CD58: variants seen among roughly 807,000 people sequenced by gnomAD.
CD58 encodes the protein CD58 molecule, also known as lymphocyte function-associated antigen 3.
A neutral mutation model predicts 27.6 loss-of-function variants in CD58; 14 were observed. The ratio of observed to expected loss-of-function variants is 0.51; its 90% CI spans 0.34 to 0.79. The LOEUF (loss-of-function observed/expected upper bound fraction) is 0.79. Ranked by LOEUF, CD58 falls within the 30% of genes least tolerant of loss-of-function variation. The probability of loss-of-function intolerance (pLI) is 0.02; values close to 1 mark genes in which losing one functional copy is unlikely to be tolerated. For synonymous variants in CD58, 117 were observed against 103.8 expected, an observed-to-expected ratio of 1.13 and a Z score of -0.77; for missense variants, 268 against 301.7, an observed-to-expected ratio of 0.89 and a Z score of 0.83.
At position 116,521,806 on chromosome 1, in the gene CD58, G is replaced by T; in HGVS notation, c.706+100C>A. 2 of 791,458 alleles carry T rather than the reference G, an allele frequency of 2.5e-6. No homozygotes were observed. Among genetic ancestry groups the T allele is most frequent in the Non-Finnish European group, 4.2e-6 (2 of 474,772 alleles). 49.0% of individuals were successfully genotyped at this position (791,458 alleles called of 1,614,324 possible). On this transcript the variant is annotated intron_variant, in intron 4 of 5. Transcript: ENST00000369489. This position sits in a 1 kb window ranked among gnomAD's most constrained non-coding sequence, Gnocchi z 5.6. ...AAAAAGTTTTTGTTTCTTTTCAAAT[G>T]TCTAAAATTTCAAACTTTATTTTCA... is the stretch of plus-strand genomic sequence containing the variant.
rs1658604288 is a variant in CD58 at position 116,557,569 on chromosome 1, C to T, written c.71-12965G>A. Among the ~76,000 whole-genome samples the T allele has an allele frequency of 6.6e-6, 1 of 152,244 alleles. No individual in the cohort carries two copies. Among genetic ancestry groups the T allele is most frequent in the East Asian group, 1.9e-4 (1 of 5,190 alleles). Reference sequence around the variant, plus strand: ...GCCCCAATCAAACTTAACAGCCTCGCTATGGTTTGAGGAGGTTCACTGATG... The same window carrying T: ...GCCCCAATCAAACTTAACAGCCTCGTTATGGTTTGAGGAGGTTCACTGATG... On this transcript the variant is annotated intron_variant, in intron 1 of 5. Transcript: ENST00000369489. The surrounding 1 kb of genome is among the most constrained non-coding windows in gnomAD (Gnocchi z 5.2).
chr1:116,536,213 G>A lies in CD58; in HGVS notation c.380C>T (p.Pro127Leu). The A allele has an allele frequency of 6.2e-7, 1 of 1,608,546 alleles. No homozygotes were observed. The highest frequency in any genetic ancestry group is 8.5e-7 in the Non-Finnish European group (1 of 1,175,986). ...FLYVLESLPSPTLTCALTNGS... is the reference protein window; with the variant it reads ...FLYVLESLPSLTLTCALTNGS... ...ATTAGTCAATGCACAAGTTAGTGTG[G>A]GAGATGGAAGAGACTCTGGAAAAAA... Residue 127 changes from proline (P) to leucine (L), a missense_variant, in exon 3 of 6, where the codon CCC becomes CTC. Physicochemically the swap from Pro to Leu is moderately conservative, Grantham distance 98 (BLOSUM62 -3). Transcript: ENST00000369489. The surrounding 1 kb of genome is among the most constrained non-coding windows in gnomAD (Gnocchi z 5.4).
At chr1:116,554,658 A>G (rs114254263) in intron 1 of CD58, among the ~76,000 whole-genome samples, 2,593 of 152,292 alleles carry the variant, frequency 0.017, 83 homozygotes, top group African/African-American at 0.059. Flanking sequence ...AACCACGGTT[A>G]CTTTAGAGAT....
In CD58 at chr1:116,521,070, G is replaced by T. The variant is rs1171691387; in HGVS notation, c.706+836C>A. Reference sequence around the variant, plus strand: ...CTGAGGAATGAATCTTAAATTTAATGGTATTTCATTTTAAATGATATATTT... The same window carrying T: ...CTGAGGAATGAATCTTAAATTTAATTGTATTTCATTTTAAATGATATATTT... On this transcript the variant is annotated intron_variant, in intron 4 of 5. Coordinates refer to ENST00000369489, the MANE Select transcript of CD58 (RefSeq NM_001779.3). This position sits in a 1 kb window ranked among gnomAD's most constrained non-coding sequence, Gnocchi z 5.6. Among the ~76,000 whole-genome samples the T allele has an allele frequency of 6.6e-6, 1 of 152,016 alleles. No individual in the cohort carries two copies. The highest frequency in any genetic ancestry group is 1.5e-5 in the Non-Finnish European group (1 of 68,000).
In CD58 at chr1:116,521,187, A is replaced by G. The variant is rs1487258950; in HGVS notation, c.706+719T>C. On this transcript the variant is annotated intron_variant, in intron 4 of 5. Transcript: ENST00000369489. This position sits in a 1 kb window ranked among gnomAD's most constrained non-coding sequence, Gnocchi z 5.6. Reference sequence around the variant, plus strand: ...GTTTATAAACTTGATTCATGACACAATGGATCCTAGATACTATCACTTGTA... The same window carrying G: ...GTTTATAAACTTGATTCATGACACAGTGGATCCTAGATACTATCACTTGTA... Among the ~76,000 whole-genome samples, 1 of 152,210 alleles carries G rather than the reference A, an allele frequency of 6.6e-6. No individual in the cohort carries two copies. Among genetic ancestry groups the G allele is most frequent in the African/African-American group, 2.4e-5 (1 of 41,446 alleles).
chr1:116,551,054 A>T (rs1428871995), intron 1 of CD58, among the ~76,000 whole-genome samples: 1 of 152,166 alleles, frequency 6.6e-6, no homozygotes, highest in African/African-American at 2.4e-5. Flanking sequence ...CTGTTGTTCC[A>T]TTTTATAGAG....
In CD58 at chr1:116,570,070, G is replaced by A. The variant is rs1486921490; in HGVS notation, c.70+833C>T. 6.6e-6 allele frequency among the ~76,000 whole-genome samples: 1 copy of A among 152,206 alleles called. No individual in the cohort carries two copies. The highest frequency in any genetic ancestry group is 6.5e-5 in the Admixed American group (1 of 15,292). ...GGAGGGCTGGCAGTGGGGTGCAGGA[G>A]CCAGCCATGAGAACCCCTCAAGTAC... is the stretch of plus-strand genomic sequence containing the variant. On this transcript the variant is annotated intron_variant, in intron 1 of 5. Transcript: ENST00000369489. The surrounding 1 kb of genome is among the most constrained non-coding windows in gnomAD (Gnocchi z 6.4).
Position 116,515,751 on chromosome 1 carries a change from T to C in CD58, c.744-929A>G, listed in dbSNP as rs1056404320. On this transcript the variant is annotated intron_variant, in intron 5 of 5. Transcript: ENST00000369489. This position sits in a 1 kb window ranked among gnomAD's most constrained non-coding sequence, Gnocchi z 4.6. ...GAAATAGGACTCCCTGCTTCCTTTT[T>C]AATTTGGCTAACTTTGTGATCTGTT... 3.9e-5 allele frequency among the ~76,000 whole-genome samples: 6 copies of C among 152,298 alleles called. No homozygotes were observed. The East Asian group carries it at 1.2e-3, about 29-fold the overall frequency.
rs1399749383 is a variant in CD58, at chr1:116,565,727, G to T, written c.70+5176C>A. On this transcript the variant is annotated intron_variant, in intron 1 of 5. Coordinates refer to ENST00000369489, the MANE Select transcript of CD58 (RefSeq NM_001779.3). ...TTTTTTTGTTTTGTTTTGTTTTTTTGTTTTTTTTTTTTGAGACAGAGTCTC... is the reference window on the plus strand; with the variant it reads ...TTTTTTTGTTTTGTTTTGTTTTTTTTTTTTTTTTTTTTGAGACAGAGTCTC... Among the ~76,000 whole-genome samples, 1,144 of 140,916 alleles carry T rather than the reference G, an allele frequency of 8.1e-3. 19 individuals carry two copies. The highest frequency in any genetic ancestry group is 0.028 in the African/African-American group (1,106 of 38,866). 92.4% of individuals were successfully genotyped at this position (140,916 alleles called of 152,430 possible). A position where few individuals can be genotyped will look rare whatever the true frequency, so the allele number is the denominator to read the frequency against.
At chr1:116,544,892 A>G (rs1658113051) in intron 1 of CD58, among the ~76,000 whole-genome samples, 1 of 152,168 alleles carries the variant, frequency 6.6e-6, no homozygotes, top group African/African-American at 2.4e-5. Flanking sequence ...TGTGGAGAAG[A>G]CAGGGAGCAG....
chr1:116,570,987 G>A lies in CD58; in HGVS notation c.-15C>T. 6.5e-7 allele frequency: 1 copy of A among 1,538,302 alleles called. No homozygotes were observed. The highest frequency in any genetic ancestry group is 2.5e-5 in the East Asian group (1 of 40,650). On this transcript the variant is annotated 5_prime_UTR_variant, in exon 1 of 6. Transcript: ENST00000369489. This position sits in a 1 kb window ranked among gnomAD's most constrained non-coding sequence, Gnocchi z 6.4. ...CCAGCAACCATGGCTCGTCGGGCCG[G>A]CCTCTGCGCGAGTGCCCAGCCACAA...
chr1:116,560,532 C>A (rs1448692400), intron 1 of CD58, among the ~76,000 whole-genome samples: 2 of 152,156 alleles, frequency 1.3e-5, no homozygotes, highest in African/African-American at 4.8e-5. Context: ...TCTTATTAAT[C>A]TGATTTTTTA....
chr1:116,560,945 G>C (rs940533680), intron 1 of CD58, among the ~76,000 whole-genome samples: 4 of 152,082 alleles, frequency 2.6e-5, no homozygotes, highest in Non-Finnish European at 5.9e-5. Flanking sequence ...AGAATTTAAG[G>C]GTCTGTGTCC....
intron 1 of CD58, among the ~76,000 whole-genome samples, chr1:116,545,242 C>T (rs1172324687): frequency 1.3e-5 from 2 of 152,092 alleles, no homozygotes; most frequent in Non-Finnish European, 2.9e-5. Flanking sequence ...AAGTAAGGAA[C>T]GCTAAGGGTT....
rs749468698 is a variant in CD58 at position 116,524,546 on chromosome 1, G to A, written c.629-2563C>T. 6.6e-6 allele frequency among the ~76,000 whole-genome samples: 1 copy of A among 152,144 alleles called. No homozygotes were observed. Among genetic ancestry groups the A allele is most frequent in the Non-Finnish European group, 1.5e-5 (1 of 68,028 alleles). On this transcript the variant is annotated intron_variant, in intron 3 of 5. Transcript: ENST00000369489. This position sits in a 1 kb window ranked among gnomAD's most constrained non-coding sequence, Gnocchi z 4.6. The stretch of plus-strand genomic sequence containing the variant: ...ACTAGAGAAACAGCAATTTCATATG[G>A]TTCAAATTAATACCTTTAAATAAAT...
At chr1:116,567,720 G>C (rs7542681) in intron 1 of CD58, among the ~76,000 whole-genome samples, 31,809 of 152,094 alleles carry the variant, frequency 0.21, 3,672 homozygotes, top group Non-Finnish European at 0.26. Context: ...ATGAACAATG[G>C]CTGGAGAACA....
At chr1:116,539,788 G>A (rs191121796) in intron 2 of CD58, among the ~76,000 whole-genome samples, 10 of 152,184 alleles carry the variant, frequency 6.6e-5, no homozygotes, top group African/African-American at 2.4e-4. Context: ...TTTTCTTGCT[G>A]CCCGTGGGAC....
At chr1:116,537,948 T>C (rs1657871039) in intron 2 of CD58, among the ~76,000 whole-genome samples, 1 of 152,256 alleles carries the variant, frequency 6.6e-6, no homozygotes, top group Non-Finnish European at 1.5e-5. Context: ...TTTAAAATGA[T>C]GTTTTCTAAG....
At chr1:116,548,879 T>C (rs182636225) in intron 1 of CD58, among the ~76,000 whole-genome samples, 19 of 152,338 alleles carry the variant, frequency 1.2e-4, no homozygotes, top group African/African-American at 4.1e-4. Context: ...TTGTCTTGTA[T>C]TCCTTTTTAT....
Sources: allele counts gnomAD v4.1 joint callset (sites outside exome capture counted in the v4.1 genomes callset), GRCh38; gene constraint gnomAD v4.1.1; non-coding constraint Gnocchi (gnomAD v3.1); transcripts MANE v1.5; gene names NCBI Gene and HGNC (gene_info 2026-07-23, HGNC 2026-07-21).